Variants in SLC9A3 observed in about 807,000 individuals in gnomAD.
SLC9A3 encodes the protein sodium/hydrogen exchanger 3.
SLC9A3 carries 37 observed loss-of-function variants against 86.8 expected under a neutral mutation model. The ratio of observed to expected loss-of-function variants is 0.43; its 90% CI spans 0.33 to 0.56. SLC9A3 has a LOEUF of 0.56. Ranked by LOEUF, SLC9A3 falls within the 20% of genes least tolerant of loss-of-function variation. The pLI is 0.06. For synonymous variants in SLC9A3, 581 were observed against 528.3 expected (o/e 1.10, Z -1.37); for missense variants, 1,011 against 1,171.9 (o/e 0.86, Z 2.00).
chr5:502,830 G>A (rs149141131), intron 1 of SLC9A3, among the ~76,000 whole-genome samples: 3 of 104,738 alleles, frequency 2.9e-5, no homozygotes, highest in South Asian at 3.2e-4. Context: ...GACGGGCGCC[G>A]AAAGCCGCCG....
Position 491,965 on chromosome 5 carries a change from C to T in SLC9A3, c.318G>A (p.Ala106=), listed in dbSNP as rs200221806. The T allele has an allele frequency of 8.3e-5, 133 of 1,608,196 alleles. No homozygotes were observed. Among genetic ancestry groups the T allele is most frequent in the Non-Finnish European group, 9.9e-5 (117 of 1,178,026 alleles). Residue 106 remains alanine, a synonymous_variant, in exon 2 of 17, where the codon GCG becomes GCA. Coordinates refer to ENST00000264938, the MANE Select transcript of SLC9A3 (RefSeq NM_004174.4). The surrounding 1 kb of genome is among the most constrained non-coding windows in gnomAD (Gnocchi z 9.2). ...AGACGGTGGGCGTCAGTGTGAAGGA[C>T]GCGATGTGGTCGGCCGCCCAGACGA... ...GGIVWAADHI[A]SFTLTPTVFF...
rs1738408006 is a variant in SLC9A3, at chr5:472,374, G to A, written c.*1005C>T. 1 of 334,614 alleles carries A rather than the reference G, an allele frequency of 3.0e-6. No homozygotes were observed. The highest frequency in any genetic ancestry group is 2.2e-5 in the African/African-American group (1 of 45,926). The allele number at this position is 334,614 out of a possible 1,614,324, so 20.7% of individuals were successfully genotyped here. A position where few individuals can be genotyped will look rare whatever the true frequency, so the allele number is the denominator to read the frequency against. ...GCCCTGGGCCCCTCCATGCCCCCTGGTTTGTTAAGGGGGACAGAGCAGCTG... is the reference window on the plus strand; with the variant it reads ...GCCCTGGGCCCCTCCATGCCCCCTGATTTGTTAAGGGGGACAGAGCAGCTG... On this transcript the variant is annotated 3_prime_UTR_variant, in exon 17 of 17. Coordinates refer to ENST00000264938, the MANE Select transcript of SLC9A3 (RefSeq NM_004174.4).
At chr5:486,885 C>CACACT (rs1739500439) in intron 3 of SLC9A3, among the ~76,000 whole-genome samples, 4 of 139,640 alleles carry the variant, frequency 2.9e-5, no homozygotes, top group East Asian at 2.1e-4. Context: ...TGACACCCAC[C>CACACT]GCACTGACAC....
rs563971541 is a variant in SLC9A3, at chr5:472,926, G to A, written c.*453C>T. Reference sequence around the variant, plus strand: ...GGCAGCGGTGGGAAAGGGCGCGAGCGGCCAGCCATGGCGCGCGGACCCTTC... The same window carrying A: ...GGCAGCGGTGGGAAAGGGCGCGAGCAGCCAGCCATGGCGCGCGGACCCTTC... On this transcript the variant is annotated 3_prime_UTR_variant, in exon 17 of 17. Coordinates refer to ENST00000264938, the MANE Select transcript of SLC9A3 (RefSeq NM_004174.4). 6 of 543,690 alleles carry A rather than the reference G, an allele frequency of 1.1e-5. No individual in the cohort carries two copies. The African/African-American group carries it at 1.2e-4, about 11-fold the overall frequency. The allele number at this position is 543,690 out of a possible 1,614,324, so 33.7% of individuals were successfully genotyped here.
At chr5:483,183 C>G (rs754214898) in intron 6 of SLC9A3, 79 bp downstream of exon 6, 55 of 1,113,032 alleles carry the variant, frequency 4.9e-5, no homozygotes, top group Non-Finnish European at 6.9e-5. Context: ...CTCCCTGGGC[C>G]CAGTAGAAAG....
At position 472,080 on chromosome 5, in the gene SLC9A3, G is replaced by T. The variant is rs1323553394; in HGVS notation, c.*1299C>A. ...CACCGTGCAGGCAGGTTTCAGGTGG[G>T]TTGGACCCTGTGGGACTTGCCGTCT... On this transcript the variant is annotated 3_prime_UTR_variant, in exon 17 of 17. Transcript: ENST00000264938. The T allele has an allele frequency of 2.3e-6, 1 of 442,342 alleles. No homozygotes were observed. The highest frequency in any genetic ancestry group is 2.0e-5 in the African/African-American group (1 of 49,584). The allele number at this position is 442,342 out of a possible 1,614,324, so 27.4% of individuals were successfully genotyped here.
In SLC9A3 at chr5:491,592, C is replaced by T. The variant is rs552785094; in HGVS notation, c.514+177G>A. 5.9e-5 allele frequency among the ~76,000 whole-genome samples: 9 copies of T among 152,182 alleles called. No homozygotes were observed. Among genetic ancestry groups the T allele is most frequent in the South Asian group, 4.1e-4 (2 of 4,830 alleles). ...CAGAACACGTGCTGGGACCTGGGGA[C>T]GCGCAGGGGACTGGCCTTGGTCACG... On this transcript the variant is annotated intron_variant, in intron 2 of 16. Transcript: ENST00000264938. This position sits in a 1 kb window ranked among gnomAD's most constrained non-coding sequence, Gnocchi z 9.2.
chr5:524,052 G>T, intron 1 of SLC9A3, 60 bp downstream of exon 1: 2 of 1,215,480 alleles, frequency 1.6e-6, no homozygotes, highest in Non-Finnish European at 2.2e-6. Flanking sequence ...GAAGCCCCCA[G>T]GCCCAGCAGA....
intron 1 of SLC9A3, among the ~76,000 whole-genome samples, chr5:522,052 G>A (rs1015124079): frequency 6.6e-6 from 1 of 152,206 alleles, no homozygotes; most frequent in Non-Finnish European, 1.5e-5. Flanking sequence ...TAAAGGGCAG[G>A]TCTGGAGAGG....
At position 474,913 on chromosome 5, in the gene SLC9A3, G is replaced by A; in HGVS notation, c.2471C>T (p.Pro824Leu). 1 of 1,592,570 alleles carries A rather than the reference G, an allele frequency of 6.3e-7. No homozygotes were observed. The highest frequency in any genetic ancestry group is 8.5e-7 in the Non-Finnish European group (1 of 1,170,970). The part of the protein sequence containing the change: ...FLQADGPEER[P>L]PAALPESTHM ...TGTGGACTCGGGGAGGGCGGCGGGG[G>A]GCCGCTCCTCGGGGCCGTCTGCCTG... Residue 824 changes from proline (P) to leucine (L), a missense_variant, in exon 16 of 17, where the codon CCC becomes CTC. Coordinates refer to ENST00000264938, the MANE Select transcript of SLC9A3 (RefSeq NM_004174.4).
At position 510,263 on chromosome 5, in the gene SLC9A3, G is replaced by A. The variant is rs113769144; in HGVS notation, c.211+13849C>T. On this transcript the variant is annotated intron_variant, in intron 1 of 16. Transcript: ENST00000264938. ...CCAGATGCTGTGTGGGAAAGGAAAC[G>A]TGGCCGTACGCTGCCACGGAGCTCT... Among the ~76,000 whole-genome samples the A allele has an allele frequency of 2.9e-3, 436 of 152,348 alleles. 2 individuals are homozygous for A. Among genetic ancestry groups the A allele is most frequent in the African/African-American group, 9.8e-3 (406 of 41,582 alleles).
rs1307415897 is a variant in SLC9A3, at chr5:475,619, A to C, written c.2193T>G (p.Ser731Arg). ...EEPPNYDEEM[S>R]GGIEFLASVT... ...CACTAGCCAGGAACTCGATCCCCCC[A>C]CTCATCTCCTCATCATAGTTGGGGG... Residue 731 changes from serine to arginine, a missense_variant, in exon 15 of 17, where the codon AGT (serine) becomes AGG (arginine). Physicochemically the swap from Ser to Arg is moderately radical, Grantham distance 110. Around this residue, in one of 3 missense-constraint regions of SLC9A3, gnomAD observed 397 missense variants for 346.3 expected, o/e 1.15. Transcript: ENST00000264938. 6 of 1,552,158 alleles carry C rather than the reference A, an allele frequency of 3.9e-6. No homozygotes were observed. The highest frequency in any genetic ancestry group is 2.4e-5 in the East Asian group (1 of 41,120).
chr5:490,144 A>G (rs11748526), intron 2 of SLC9A3, among the ~76,000 whole-genome samples: 98,565 of 143,790 alleles, frequency 0.69, 34,013 homozygotes, highest in Non-Finnish European at 0.79. Flanking sequence ...TCTCTGTTCC[A>G]GAACCTCAGG....
Position 483,220 on chromosome 5 carries a change from G to GCCCAT in SLC9A3, c.1153+37_1153+41dup, listed in dbSNP as rs1347957847. The GCCCAT allele has an allele frequency of 2.8e-6, 4 of 1,427,216 alleles. No homozygotes were observed. The African/African-American group carries it at 5.7e-5, about 20-fold the overall frequency. The allele number at this position is 1,427,216 out of a possible 1,614,324, so 88.4% of individuals were successfully genotyped here. ...CTGCGCCTTCCCGGAGACGGTGCCG[G>GCCCAT]CCCATCGGTGGTCCCACGGCCGCAA... On this transcript the variant is annotated intron_variant, in intron 6 of 16. Coordinates refer to ENST00000264938, the MANE Select transcript of SLC9A3 (RefSeq NM_004174.4).
At chr5:485,855 G>A (rs1034476282) in intron 3 of SLC9A3, among the ~76,000 whole-genome samples, 1 of 152,212 alleles carries the variant, frequency 6.6e-6, no homozygotes, top group African/African-American at 2.4e-5. Flanking sequence ...GCAGGCTGGG[G>A]TGGGGGGCCC....
chr5:480,814 T>C (rs1739116338), intron 9 of SLC9A3: 1 of 152,288 alleles, frequency 6.6e-6, no homozygotes, highest in African/African-American at 2.4e-5. Flanking sequence ...GCAAATTGTA[T>C]GTGCTCCTTA....
At chr5:507,293 G>C (rs1249704447) in intron 1 of SLC9A3, among the ~76,000 whole-genome samples, 1 of 142,980 alleles carries the variant, frequency 7.0e-6, no homozygotes, top group Non-Finnish European at 1.5e-5. Context: ...TCAGCCTCCC[G>C]AGTAGCTGGG....
In SLC9A3 at chr5:472,886, G is replaced by A. The variant is rs1738449994; in HGVS notation, c.*493C>T. ...GGTTTCACGCAAATCCGTTTGGGGC[G>A]AGCCTCGGTTTCCCGGCAGCGGTGG... On this transcript the variant is annotated 3_prime_UTR_variant, in exon 17 of 17. Coordinates refer to ENST00000264938, the MANE Select transcript of SLC9A3 (RefSeq NM_004174.4). 7 of 501,886 alleles carry A rather than the reference G, an allele frequency of 1.4e-5. No homozygotes were observed. The highest frequency in any genetic ancestry group is 5.3e-5 in the South Asian group (3 of 56,764). The allele number at this position is 501,886 out of a possible 1,614,324, so 31.1% of individuals were successfully genotyped here. A position where few individuals can be genotyped will look rare whatever the true frequency, so the allele number is the denominator to read the frequency against.
chr5:490,787 G>A (rs1414885319), intron 2 of SLC9A3, among the ~76,000 whole-genome samples: 2 of 152,228 alleles, frequency 1.3e-5, no homozygotes, highest in Non-Finnish European at 2.9e-5. Flanking sequence ...CATCGCCCAC[G>A]TGACGGGCCT....
Sources: allele counts gnomAD v4.1 joint callset (sites outside exome capture counted in the v4.1 genomes callset), GRCh38; gene constraint gnomAD v4.1.1; regional missense constraint gnomAD v4.1.1; non-coding constraint Gnocchi (gnomAD v3.1); transcripts MANE v1.5; gene names NCBI Gene and HGNC (gene_info 2026-07-23, HGNC 2026-07-21).